Variants in ERCC6 observed in about 807,000 individuals in gnomAD.
ERCC6 encodes the protein DNA excision repair protein ERCC-6.
Under a neutral mutation model 158.7 loss-of-function variants are expected in ERCC6, and 116 were observed. That is an observed-to-expected ratio of 0.73 (90% CI 0.63 to 0.85). The LOEUF (loss-of-function observed/expected upper bound fraction) is 0.85. Ranked by LOEUF, ERCC6 falls within the 40% of genes least tolerant of loss-of-function variation. The pLI is 0.00. For missense variants in ERCC6, 1,698 were observed against 1,799.4 expected, an observed-to-expected ratio of 0.94 and a Z score of 1.02; for synonymous variants, 678 against 659.3, an observed-to-expected ratio of 1.03 and a Z score of -0.43.
intron 1 of ERCC6, among the ~76,000 whole-genome samples, chr10:49,538,642 C>A (rs900676885): frequency 6.6e-6 from 1 of 152,190 alleles, no homozygotes; most frequent in African/African-American, 2.4e-5. Flanking sequence ...ATAACAGCTC[C>A]AGCATTTTAA....
At chr10:49,487,394 T>C (rs1327012830) in intron 8 of ERCC6, among the ~76,000 whole-genome samples, 2 of 152,198 alleles carry the variant, frequency 1.3e-5, no homozygotes, top group Non-Finnish European at 1.5e-5. Context: ...GAAGGCCACA[T>C]CTGAAAGACC....
At chr10:49,502,555 C>T (rs995064055) in intron 6 of ERCC6, 2 of 152,140 alleles carry the variant, frequency 1.3e-5, no homozygotes, top group African/African-American at 4.8e-5. Flanking sequence ...AATTAGGAAA[C>T]AAAAGCTCAG....
Position 49,532,876 on chromosome 10 carries a change from G to C in ERCC6, c.89C>G (p.Ala30Gly). 6.2e-7 allele frequency: 1 copy of C among 1,614,188 alleles called. No individual in the cohort carries two copies. The highest frequency in any genetic ancestry group is 8.5e-7 in the Non-Finnish European group (1 of 1,180,044). Reference protein sequence around the residue: ...SQPVSNNEEMAIKQESGGDGE... With the variant: ...SQPVSNNEEMGIKQESGGDGE... ...ATCACCACCACTTTCTTGCTTGATT[G>C]CCATTTCTTCATTATTACTGACAGG... The change falls in exon 2 of 21, where the codon GCA becomes GGA. Residue 30 changes from alanine to glycine, a missense_variant. Ala to Gly is a moderately conservative substitution (Grantham distance 60). Coordinates refer to ENST00000355832, the MANE Select transcript of ERCC6 (RefSeq NM_000124.4).
intron 4 of ERCC6, among the ~76,000 whole-genome samples, chr10:49,525,490 C>T (rs1198188296): frequency 1.3e-5 from 2 of 152,156 alleles, no homozygotes; most frequent in Admixed American, 6.5e-5. Context: ...GAAGACATTA[C>T]ACCATAAGTG....
intron 6 of ERCC6, chr10:49,504,146 T>C (rs183971617): frequency 1.6e-4 from 24 of 152,268 alleles, no homozygotes; most frequent in African/African-American, 5.3e-4. Context: ...TAAAAAAATA[T>C]ATCTACAGTT....
intron 5 of ERCC6, chr10:49,516,993 T>C (rs1229492789): frequency 6.2e-7 from 1 of 1,614,028 alleles, no homozygotes; most frequent in South Asian, 1.1e-5. Context: ...ATCTCCTGAT[T>C]CCTCATCAGA....
At position 49,472,421 on chromosome 10, in the gene ERCC6, TAC is replaced by T; in HGVS notation, c.2877_2878del (p.Tyr960GlnfsTer9). 1.2e-6 allele frequency: 2 copies of T among 1,614,144 alleles called. No individual in the cohort carries two copies. The highest frequency in any genetic ancestry group is 8.5e-7 in the Non-Finnish European group (1 of 1,180,014). On this transcript the variant is annotated frameshift_variant, in exon 16 of 21. Transcript: ENST00000355832. LOFTEE classifies it high-confidence loss of function. Reference sequence around the variant, plus strand: ...AATGGTGCCCGCAGTCAGGAGCCTGTACACAGTCACTTGCTTCTTCTGGCCTA... The same window carrying T: ...AATGGTGCCCGCAGTCAGGAGCCTGTACAGTCACTTGCTTCTTCTGGCCTA...
rs1019412556 is a variant in ERCC6, at chr10:49,470,566, A to G, written c.3394T>C (p.Ser1132Pro). ...VISGNGECSNSSGTGKTSMPS... is the reference protein window; with the variant it reads ...VISGNGECSNPSGTGKTSMPS... ...ATAGAAGTTTTGCCTGTTCCTGAAG[A>G]ATTTGAACATTCCCCATTTCCACTA... The change falls in exon 18 of 21, where the codon TCT becomes CCT. Residue 1132 changes from serine (S) to proline (P), a missense_variant. Ser to Pro is a moderately conservative substitution (Grantham distance 74). Transcript: ENST00000355832. 6.2e-7 allele frequency: 1 copy of G among 1,614,032 alleles called. No individual in the cohort carries two copies. Among genetic ancestry groups the G allele is most frequent in the African/African-American group, 1.3e-5 (1 of 74,932 alleles).
At chr10:49,519,917 C>G (rs747281946) in intron 5 of ERCC6, among the ~76,000 whole-genome samples, 2 of 152,144 alleles carry the variant, frequency 1.3e-5, no homozygotes, top group Non-Finnish European at 2.9e-5. Context: ...TCAGACTCCC[C>G]ACGCTGAGCC....
chr10:49,525,234 G>T (rs1837286117), intron 4 of ERCC6: 1 of 183,888 alleles, frequency 5.4e-6, no homozygotes, highest in Non-Finnish European at 1.1e-5. Flanking sequence ...TACCTAAAAA[G>T]GAAAAACATA....
At chr10:49,517,051 C>T (rs754072071) in intron 5 of ERCC6, 14 of 1,612,834 alleles carry the variant, frequency 8.7e-6, no homozygotes, top group Non-Finnish European at 1.2e-5. Flanking sequence ...ATAGCACTTG[C>T]TTCTATGCTG....
At chr10:49,467,048 T>C (rs1428113437) in intron 18 of ERCC6, among the ~76,000 whole-genome samples, 1 of 152,202 alleles carries the variant, frequency 6.6e-6, no homozygotes, top group African/African-American at 2.4e-5. Context: ...CCCAAAGTGC[T>C]GGGATTACAG....
chr10:49,474,146 G>C lies in ERCC6; in HGVS notation c.2479C>G (p.Leu827Val), dbSNP rs115875661. The C allele has an allele frequency of 6.2e-7, 1 of 1,614,090 alleles. No homozygotes were observed. Among genetic ancestry groups the C allele is most frequent in the East Asian group, 2.2e-5 (1 of 44,876 alleles). The change falls in exon 13 of 21, where the codon CTA becomes GTA. Residue 827 changes from leucine (L) to valine (V), a missense_variant. By Grantham distance (32) the Leu-to-Val change is conservative. Transcript: ENST00000355832. ...KNLKGLPDDELEEDQFGYWKR... is the reference protein window; with the variant it reads ...KNLKGLPDDEVEEDQFGYWKR... Reference sequence around the variant, plus strand: ...CAGTACCCAAACTGATCTTCTTCTAGTTCATCATCAGGAAGACCTTTGAGA... The same window carrying C: ...CAGTACCCAAACTGATCTTCTTCTACTTCATCATCAGGAAGACCTTTGAGA...
the ERCC6 span, among the ~76,000 whole-genome samples, chr10:49,447,426 G>A: frequency 1.3e-5 from 2 of 152,072 alleles, no homozygotes; most frequent in Admixed American, 6.5e-5. Flanking sequence ...GGTGGCTCAC[G>A]CCTGTAATCC....
At chr10:49,480,828 T>C (rs1850965834) in intron 10 of ERCC6, among the ~76,000 whole-genome samples, 1 of 152,148 alleles carries the variant, frequency 6.6e-6, no homozygotes, top group Admixed American at 6.5e-5. Context: ...TGAAGAAATG[T>C]AAGGCAAACC....
At chr10:49,447,901 A>T in the ERCC6 span, among the ~76,000 whole-genome samples, 1 of 152,118 alleles carries the variant, frequency 6.6e-6, no homozygotes, top group Non-Finnish European at 1.5e-5. Flanking sequence ...GTAATATTCC[A>T]CTGTGTAGAT....
At chr10:49,439,481 A>G in the ERCC6 span, among the ~76,000 whole-genome samples, 2 of 152,126 alleles carry the variant, frequency 1.3e-5, no homozygotes, top group Non-Finnish European at 2.9e-5. Context: ...AGCCCATGAA[A>G]CCACTTTTTT....
At chr10:49,494,481 T>C (rs910977646) in intron 7 of ERCC6, among the ~76,000 whole-genome samples, 8 of 152,208 alleles carry the variant, frequency 5.3e-5, no homozygotes, top group Admixed American at 3.9e-4. Context: ...TAGGTATACG[T>C]AGAAAAACTG....
chr10:49,446,296 C>T, the ERCC6 span, among the ~76,000 whole-genome samples: 1 of 151,622 alleles, frequency 6.6e-6, no homozygotes, highest in African/African-American at 2.4e-5. Context: ...GCAGACACCA[C>T]AAAGAGCAGG....
Sources: allele counts gnomAD v4.1 joint callset (sites outside exome capture counted in the v4.1 genomes callset), GRCh38; gene constraint gnomAD v4.1.1; transcripts MANE v1.5; gene names NCBI Gene and HGNC (gene_info 2026-07-23, HGNC 2026-07-21).